Variants in DTNA observed in about 807,000 individuals in gnomAD.
DTNA encodes dystrobrevin alpha, also known as dystrophin-related protein 3.
In DTNA, 43 loss-of-function variants were observed where a neutral mutation model predicts 100.7. The ratio of observed to expected loss-of-function variants is 0.43; its 90% CI spans 0.33 to 0.55. The LOEUF (loss-of-function observed/expected upper bound fraction) is 0.55. DTNA is among the 20% of genes least tolerant of loss of function. The probability of loss-of-function intolerance (pLI) is 0.04; values close to 1 mark genes in which losing one functional copy is unlikely to be tolerated. For missense variants in DTNA, 798 were observed against 953.9 expected (o/e 0.84, Z 2.15); for synonymous variants, 349 against 347.9 (o/e 1.00, Z -0.04).
In DTNA at chr18:34,662,622, T is replaced by C. The variant is rs148642110; in HGVS notation, c.-1-93354T>C. On this transcript the variant is annotated intron_variant, in intron 1 of 19. Coordinates refer to the DTNA transcript ENST00000283365. Reference sequence around the variant, plus strand: ...GAATTGCAGAACTAAAATTTGGATTTAGGTAGGATAAATTCCAACACACAG... The same window carrying C: ...GAATTGCAGAACTAAAATTTGGATTCAGGTAGGATAAATTCCAACACACAG... 4.8e-3 allele frequency among the ~76,000 whole-genome samples: 724 copies of C among 152,320 alleles called. 5 individuals carry two copies. The highest frequency in any genetic ancestry group is 0.015 in the African/African-American group (634 of 41,556).
chr18:34,539,330 T>G (rs1392572041), intron 1 of DTNA, among the ~76,000 whole-genome samples: 1 of 152,022 alleles, frequency 6.6e-6, no homozygotes, highest in African/African-American at 2.4e-5. Context: ...AATTTAAAAT[T>G]TGAATTCTAA....
At chr18:34,528,066 T>C (rs1308638615) in intron 1 of DTNA, among the ~76,000 whole-genome samples, 1 of 152,146 alleles carries the variant, frequency 6.6e-6, no homozygotes, top group Non-Finnish European at 1.5e-5. Context: ...TTTTATATCT[T>C]ATTTTAATGA....
chr18:34,584,166 T>C (rs1481129662), intron 1 of DTNA, among the ~76,000 whole-genome samples: 2 of 152,240 alleles, frequency 1.3e-5, no homozygotes, highest in East Asian at 1.9e-4. Context: ...CTTGCTAATC[T>C]TGAGGGCATT....
At chr18:34,804,204 G>A (rs185656462) in intron 4 of DTNA, among the ~76,000 whole-genome samples, 2 of 152,272 alleles carry the variant, frequency 1.3e-5, no homozygotes, top group East Asian at 1.9e-4. Context: ...ATGTTAGGAG[G>A]GGGAGGGGCC....
chr18:34,867,015 A>G, intron 17 of DTNA: 4 of 1,220,942 alleles, frequency 3.3e-6, no homozygotes, highest in Non-Finnish European at 4.1e-6. Flanking sequence ...ATTAAATTAA[A>G]TTAAATAGAA....
At chr18:34,686,443 A>T (rs1800289623) in intron 1 of DTNA, among the ~76,000 whole-genome samples, 1 of 152,126 alleles carries the variant, frequency 6.6e-6, no homozygotes, top group African/African-American at 2.4e-5. Context: ...GACTACGTTT[A>T]TTGATTTGTG....
At chr18:34,887,253 A>G (rs602027) in intron 22 of DTNA, among the ~76,000 whole-genome samples, 41,806 of 152,146 alleles carry the variant, frequency 0.27, 7,123 homozygotes, top group African/African-American at 0.47. Context: ...AACGGTATAC[A>G]TAATGGCACT....
rs963308941 is a variant in DTNA at position 34,649,935 on chromosome 18, T to C, written c.-1-106041T>C. On this transcript the variant is annotated intron_variant, in intron 1 of 19. Coordinates refer to the DTNA transcript ENST00000283365. ...TCTGACTTCAGTTTGTATGTGGTTG[T>C]AGGATAATAATATAAAAATGACATG... Among the ~76,000 whole-genome samples the C allele has an allele frequency of 5.3e-5, 8 of 152,164 alleles. 1 individual carries two copies. Among genetic ancestry groups the C allele is most frequent in the Non-Finnish European group, 4.4e-5 (3 of 68,038 alleles).
At chr18:34,571,492 T>C (rs1439129) in intron 1 of DTNA, among the ~76,000 whole-genome samples, 1,549 of 151,876 alleles carry the variant, frequency 0.01, 27 homozygotes, top group African/African-American at 0.036. Context: ...TGTAATCCCA[T>C]CACTTTGGGA....
chr18:34,714,850 A>G (rs1194028980), intron 1 of DTNA, among the ~76,000 whole-genome samples: 3 of 152,310 alleles, frequency 2.0e-5, no homozygotes, highest in East Asian at 3.9e-4. Context: ...AATGTGGCAC[A>G]TACACACCAT....
Position 34,746,449 on chromosome 18 carries a change from C to T in DTNA, c.-1-9527C>T, listed in dbSNP as rs182365378. ...CCAATGTGAGGCTCAGCCATCATTT[C>T]CCTATGACAAAGTGGGCCTATGTGT... On this transcript the variant is annotated intron_variant, in intron 1 of 22. Coordinates refer to ENST00000444659, the MANE Select transcript of DTNA (RefSeq NM_001386795.1). Among the ~76,000 whole-genome samples, 114 of 152,194 alleles carry T rather than the reference C, an allele frequency of 7.5e-4. 2 individuals are homozygous for T. Among genetic ancestry groups the T allele is most frequent in the Admixed American group, 2.8e-3 (43 of 15,280 alleles).
chr18:34,563,482 T>C (rs1336227505), intron 1 of DTNA, among the ~76,000 whole-genome samples: 1 of 152,198 alleles, frequency 6.6e-6, no homozygotes, highest in Non-Finnish European at 1.5e-5. Flanking sequence ...TATGGAAGCC[T>C]GGGGAAACTA....
intron 1 of DTNA, among the ~76,000 whole-genome samples, chr18:34,564,340 C>T (rs1005109198): frequency 2.0e-5 from 3 of 152,140 alleles, no homozygotes; most frequent in Admixed American, 6.5e-5. Context: ...GACAGGGTTT[C>T]ACCATCTTGG....
intron 6 of DTNA, among the ~76,000 whole-genome samples, chr18:34,814,224 G>T (rs1451827506): frequency 2.0e-5 from 3 of 152,048 alleles, no homozygotes; most frequent in African/African-American, 7.2e-5. Flanking sequence ...GTAACTACCT[G>T]TTGTATTACT....
chr18:34,512,045 C>CT (rs1410872641), intron 1 of DTNA, among the ~76,000 whole-genome samples: 8 of 151,972 alleles, frequency 5.3e-5, no homozygotes, highest in African/African-American at 1.9e-4. Flanking sequence ...AATCATTACT[C>CT]TGAGTTTTAT....
chr18:34,802,361 G>T (rs1306909531), intron 4 of DTNA, among the ~76,000 whole-genome samples: 1 of 152,182 alleles, frequency 6.6e-6, no homozygotes, highest in Non-Finnish European at 1.5e-5. Context: ...GTTTGTACAG[G>T]ACTCTGAGGA....
chr18:34,636,334 C>T (rs1043008334), intron 1 of DTNA, among the ~76,000 whole-genome samples: 3 of 152,074 alleles, frequency 2.0e-5, no homozygotes, highest in Admixed American at 6.5e-5. Flanking sequence ...AGGCTGGTCT[C>T]GAACTCCTGA....
chr18:34,551,729 T>G (rs919383356), intron 1 of DTNA, among the ~76,000 whole-genome samples: 1 of 152,154 alleles, frequency 6.6e-6, no homozygotes, highest in Non-Finnish European at 1.5e-5. Context: ...TATCTTTTGG[T>G]CTAGATCTGA....
chr18:34,639,255 G>C (rs569171880), intron 1 of DTNA, among the ~76,000 whole-genome samples: 130 of 152,262 alleles, frequency 8.5e-4, no homozygotes, highest in African/African-American at 2.8e-3. Context: ...TGTGCTTTGT[G>C]GCATGCTTAG....
Sources: gnomAD v4.1 joint callset for allele counts (sites outside exome capture counted in the v4.1 genomes callset) on GRCh38, gnomAD v4.1.1 for gene constraint, MANE v1.5 for transcripts, NCBI Gene and HGNC (gene_info 2026-07-23, HGNC 2026-07-21) for gene names.